The following GAP43 variants were observed in gnomAD, a reference collection of about 807,000 sequenced individuals.
GAP43 encodes the protein growth associated protein 43.
Under a neutral mutation model 18.6 loss-of-function variants are expected in GAP43, and 6 were observed. The observed-to-expected ratio is 0.32, with a 90% CI of 0.18 to 0.64. GAP43 has a LOEUF of 0.64. Among genes scored for constraint, GAP43 ranks in the 30% least tolerant of loss-of-function variants. The probability of loss-of-function intolerance (pLI) is 0.78; values close to 1 mark genes in which losing one functional copy is unlikely to be tolerated. For synonymous variants in GAP43, 115 were observed against 111.4 expected (o/e 1.03, Z -0.20); for missense variants, 292 against 295.5 (o/e 0.99, Z 0.09).
At chr3:115,675,984 C>T in intron 1 of GAP43, 29 bp from the exon 2 acceptor site, 1 of 1,565,146 alleles carries the variant, frequency 6.4e-7, no homozygotes. Context: ...CATTGAAGCC[C>T]TCTCTTTTCC....
chr3:115,677,873 A>T (rs1441085846), intron 2 of GAP43, among the ~76,000 whole-genome samples: 1 of 152,212 alleles, frequency 6.6e-6, no homozygotes, highest in African/African-American at 2.4e-5. Flanking sequence ...AAAATCAGAT[A>T]CTACAATATG....
rs1216233407 is a variant in GAP43 at position 115,644,598 on chromosome 3, T to C, written c.30+20879T>C. ...AGTTTCAAGGCAAAAAGAAAAATCC[T>C]TTATGGTTACTGAGTATGCTGTGAA... On this transcript the variant is annotated intron_variant, in intron 1 of 2. Coordinates refer to ENST00000305124, the MANE Select transcript of GAP43 (RefSeq NM_002045.4). The surrounding 1 kb of genome is among the most constrained non-coding windows in gnomAD (Gnocchi z 4.2). Among the ~76,000 whole-genome samples, 1 of 152,094 alleles carries C rather than the reference T, an allele frequency of 6.6e-6. No homozygotes were observed. The highest frequency in any genetic ancestry group is 2.1e-4 in the South Asian group (1 of 4,830).
rs1273344906 is a variant in GAP43 at position 115,665,989 on chromosome 3, A to AGTTTGTGTGTGTGT, written c.31-10022_31-10021insTTGTGTGTGTGTGT. ...CTGTATATGAAATAGTGGCTAAATG[A>AGTTTGTGTGTGTGT]GTGTGTGTGTGTGTGTGTGTGTGTG... On this transcript the variant is annotated intron_variant, in intron 1 of 2. Coordinates refer to ENST00000305124, the MANE Select transcript of GAP43 (RefSeq NM_002045.4). Among the ~76,000 whole-genome samples the AGTTTGTGTGTGTGT allele has an allele frequency of 3.5e-3, 214 of 61,736 alleles. 2 individuals are homozygous for AGTTTGTGTGTGTGT. The highest frequency in any genetic ancestry group is 9.9e-3 in the African/African-American group (193 of 19,424). 40.5% of individuals were successfully genotyped at this position (61,736 alleles called of 152,430 possible).
chr3:115,692,775 C>G (rs1413525736), intron 2 of GAP43, among the ~76,000 whole-genome samples: 1 of 152,140 alleles, frequency 6.6e-6, no homozygotes, highest in Non-Finnish European at 1.5e-5. Flanking sequence ...CAGAATGACT[C>G]TGATGTCTCT....
chr3:115,636,571 T>G (rs4831195), intron 1 of GAP43, among the ~76,000 whole-genome samples: 100,755 of 151,952 alleles, frequency 0.66, 34,209 homozygotes, highest in African/African-American at 0.77. Context: ...ATGTTCTGTG[T>G]TTCAGATGAG....
chr3:115,653,920 T>G (rs991709760), intron 1 of GAP43, among the ~76,000 whole-genome samples: 1 of 152,020 alleles, frequency 6.6e-6, no homozygotes, highest in Admixed American at 6.6e-5. Flanking sequence ...AAAAAAAAAA[T>G]TAGCCCTAAT....
intron 1 of GAP43, among the ~76,000 whole-genome samples, chr3:115,637,885 C>T (rs1433939162): frequency 6.6e-6 from 1 of 152,020 alleles, no homozygotes; most frequent in Non-Finnish European, 1.5e-5. Flanking sequence ...TCATTGGATG[C>T]TACTGTTCTT....
intron 1 of GAP43, among the ~76,000 whole-genome samples, chr3:115,630,108 A>C (rs1708243645): frequency 6.6e-6 from 1 of 152,164 alleles, no homozygotes. Context: ...ACATGCCCTT[A>C]CTTTGAGGCT....
At chr3:115,678,365 G>T (rs1249144280) in intron 2 of GAP43, among the ~76,000 whole-genome samples, 5 of 152,118 alleles carry the variant, frequency 3.3e-5, no homozygotes, top group African/African-American at 4.8e-5. Context: ...GAAATGATGT[G>T]ATTTTAGGTA....
intron 2 of GAP43, among the ~76,000 whole-genome samples, chr3:115,715,128 C>G (rs1032423110): frequency 6.6e-6 from 1 of 152,076 alleles, no homozygotes; most frequent in African/African-American, 2.4e-5. Flanking sequence ...CTCCTAATGC[C>G]GTCACCTTAG....
chr3:115,643,344 G>C (rs1044288870), intron 1 of GAP43, among the ~76,000 whole-genome samples: 1 of 151,894 alleles, frequency 6.6e-6, no homozygotes, highest in Non-Finnish European at 1.5e-5. Flanking sequence ...GTGTTTCCTG[G>C]GTCCACTTTC....
At chr3:115,683,857 C>T (rs757869730) in intron 2 of GAP43, among the ~76,000 whole-genome samples, 8 of 152,002 alleles carry the variant, frequency 5.3e-5, no homozygotes, top group Middle Eastern at 3.4e-3. Context: ...CATTCACAGT[C>T]GTTGGATATT....
chr3:115,648,166 C>A (rs1171248889), intron 1 of GAP43, among the ~76,000 whole-genome samples: 1 of 152,056 alleles, frequency 6.6e-6, no homozygotes, highest in Non-Finnish European at 1.5e-5. Context: ...TTACGCAATA[C>A]TGTGGGCCCT....
chr3:115,713,758 C>T (rs1021439419), intron 2 of GAP43, among the ~76,000 whole-genome samples: 1 of 152,220 alleles, frequency 6.6e-6, no homozygotes, highest in African/African-American at 2.4e-5. Flanking sequence ...TCCTTTAAGG[C>T]TACCATTACA....
chr3:115,719,560 A>G (rs1177013469), intron 2 of GAP43, among the ~76,000 whole-genome samples: 2 of 152,216 alleles, frequency 1.3e-5, no homozygotes, highest in Non-Finnish European at 2.9e-5. Context: ...CTAATAGATG[A>G]CATCTTCCAT....
chr3:115,682,471 C>T (rs1708969934), intron 2 of GAP43, among the ~76,000 whole-genome samples: 1 of 152,124 alleles, frequency 6.6e-6, no homozygotes, highest in Non-Finnish European at 1.5e-5. Context: ...AGTGCATTTC[C>T]AAAGGATCTG....
At chr3:115,692,678 C>T (rs1164803588) in intron 2 of GAP43, among the ~76,000 whole-genome samples, 1 of 152,092 alleles carries the variant, frequency 6.6e-6, no homozygotes, top group Non-Finnish European at 1.5e-5. Flanking sequence ...TATGTTGGAC[C>T]TTGAAGTGGT....
chr3:115,655,966 G>A (rs1341995546), intron 1 of GAP43, among the ~76,000 whole-genome samples: 1 of 152,168 alleles, frequency 6.6e-6, no homozygotes, highest in Non-Finnish European at 1.5e-5. Context: ...ACATGCCTTA[G>A]GCCAAAGCAT....
chr3:115,683,147 G>GCACAAA (rs1708983654), intron 2 of GAP43, among the ~76,000 whole-genome samples: 1 of 127,396 alleles, frequency 7.8e-6, no homozygotes, highest in Non-Finnish European at 1.7e-5. Context: ...GCGCGCGCGC[G>GCACAAA]CACACACACA....
Sources: allele counts gnomAD v4.1 joint callset (sites outside exome capture counted in the v4.1 genomes callset), GRCh38; gene constraint gnomAD v4.1.1; non-coding constraint Gnocchi (gnomAD v3.1); transcripts MANE v1.5; gene names NCBI Gene and HGNC (gene_info 2026-07-23, HGNC 2026-07-21).